The following SCYL1 variants were observed in gnomAD, a reference collection of about 807,000 sequenced individuals.
SCYL1 encodes the protein N-terminal kinase-like protein.
A neutral mutation model predicts 94.8 loss-of-function variants in SCYL1; 85 were observed. The ratio of observed to expected loss-of-function variants is 0.90; its 90% CI spans 0.75 to 1.07. The LOEUF is 1.07. SCYL1 is among the 50% of genes least tolerant of loss of function. The pLI is 0.00. For synonymous variants in SCYL1, 459 were observed against 435.5 expected (o/e 1.05, Z -0.67); for missense variants, 968 against 1,083.3 (o/e 0.89, Z 1.49).
chr11:65,533,897 CAACATGGTAA>C (rs1404634321), intron 9 of SCYL1, among the ~76,000 whole-genome samples: 5 of 152,070 alleles, frequency 3.3e-5, no homozygotes, highest in Admixed American at 1.3e-4. Context: ...CCAGCCTGGC[CAACATGGTAA>C]AACATGGTAA....
At position 65,526,279 on chromosome 11, in the gene SCYL1, G is replaced by T. The variant is rs778569539; in HGVS notation, c.531G>T (p.Gly177=). The T allele has an allele frequency of 1.2e-6, 2 of 1,612,762 alleles. No individual in the cohort carries two copies. Among genetic ancestry groups the T allele is most frequent in the Admixed American group, 3.3e-5 (2 of 60,006 alleles). ...QGNGGGPPRK[G]IPELEQYDPP... The stretch of plus-strand genomic sequence containing the variant: ...ACGGTGGGGGACCTCCCCGCAAGGG[G>T]ATCCCCGAGCTTGAGCAGTATGACC... The change falls in exon 4 of 18, where the codon GGG becomes GGT. Residue 177 remains glycine, a synonymous_variant. Coordinates refer to ENST00000270176, the MANE Select transcript of SCYL1 (RefSeq NM_020680.4). This position sits in a 1 kb window ranked among gnomAD's most constrained non-coding sequence, Gnocchi z 4.1.
At chr11:65,527,196 A>C (rs565083046) in intron 6 of SCYL1, 79 bp downstream of exon 6, 5 of 1,499,446 alleles carry the variant, frequency 3.3e-6, no homozygotes, top group South Asian at 1.2e-5. Context: ...GTACCTCACA[A>C]TTGACCCTCA....
Position 65,530,744 on chromosome 11 carries a change from A to G in SCYL1, c.965A>G (p.Glu322Gly). ...CTGCCCCAGCTGCTGACCGCCTTCG[A>G]GTTCGGCAATGCTGGGGCCGTTGTC... ...KVLPQLLTAF[E>G]FGNAGAVVLT... is the part of the protein sequence containing the mutation. The change falls in exon 7 of 18, where the codon GAG (glutamate) becomes GGG (glycine). Residue 322 changes from glutamate to glycine, a missense_variant. Around this residue, in one of 2 missense-constraint regions of SCYL1, gnomAD observed 494 missense variants for 619.7 expected, o/e 0.80. Coordinates refer to ENST00000270176, the MANE Select transcript of SCYL1 (RefSeq NM_020680.4). The G allele has an allele frequency of 6.2e-7, 1 of 1,613,956 alleles. No homozygotes were observed. Among genetic ancestry groups the G allele is most frequent in the Non-Finnish European group, 8.5e-7 (1 of 1,180,006 alleles).
rs768775062 is a variant in SCYL1, at chr11:65,532,755, G to A, written c.1180G>A (p.Val394Ile). Residue 394 changes from valine to isoleucine, a missense_variant, in exon 9 of 18, where the codon GTA becomes ATA. Physicochemically the swap from Val to Ile is conservative, Grantham distance 29. Transcript: ENST00000270176. ...TVNTQIFPHV[V>I]HGFLDTNPAI... ...CAACACCCAGATCTTCCCCCACGTCGTACATGGCTTCCTGGACACCAACCC... is the reference window on the plus strand; with the variant it reads ...CAACACCCAGATCTTCCCCCACGTCATACATGGCTTCCTGGACACCAACCC... 9.9e-6 allele frequency: 16 copies of A among 1,614,122 alleles called. No individual in the cohort carries two copies. Among genetic ancestry groups the A allele is most frequent in the East Asian group, 2.2e-5 (1 of 44,882 alleles).
chr11:65,529,625 C>T (rs1460058631), intron 6 of SCYL1, among the ~76,000 whole-genome samples: 2 of 152,242 alleles, frequency 1.3e-5, no homozygotes, highest in African/African-American at 2.4e-5. Flanking sequence ...GGTCGCCTCT[C>T]CCCGGCCAAG....
rs559979760 is a variant in SCYL1, at chr11:65,537,159, G to A, written c.1959+31G>A. 694 of 1,612,766 alleles carry A rather than the reference G, an allele frequency of 4.3e-4. 8 individuals carry two copies. In the South Asian group the frequency reaches 6.9e-3, roughly 16 times the overall value. The stretch of plus-strand genomic sequence containing the variant: ...TGGGGCTGAGGGAGCCTCCCCAGGG[G>A]ACCCCAGCTCAAATCCACAGGCTGC... On this transcript the variant is annotated intron_variant, in intron 14 of 17. Transcript: ENST00000270176.
At chr11:65,530,531 A>G in intron 6 of SCYL1, 98 bp from the exon 7 acceptor site, 1 of 1,378,804 alleles carries the variant, frequency 7.3e-7, no homozygotes, top group African/African-American at 1.5e-5. Flanking sequence ...AGAGCCCATA[A>G]GGCCCATAAG....
chr11:65,525,153 G>A lies in SCYL1; in HGVS notation c.-1G>A. The A allele has an allele frequency of 1.5e-5, 20 of 1,341,934 alleles. No homozygotes were observed. The highest frequency in any genetic ancestry group is 1.9e-5 in the Non-Finnish European group (20 of 1,036,956). The allele number at this position is 1,341,934 out of a possible 1,614,324, so 83.1% of individuals were successfully genotyped here. ...CCGAACCCGCGGCGGCGGTGGGGAC[G>A]ATGTGGTTCTTTGCCCGGGACCCGG... On this transcript the variant is annotated 5_prime_UTR_variant, in exon 1 of 18. Transcript: ENST00000270176.
Position 65,526,056 on chromosome 11 carries a change from G to T in SCYL1, c.375+13G>T. On this transcript the variant is annotated intron_variant, in intron 3 of 17. Coordinates refer to ENST00000270176, the MANE Select transcript of SCYL1 (RefSeq NM_020680.4). This position sits in a 1 kb window ranked among gnomAD's most constrained non-coding sequence, Gnocchi z 4.1. ...ACACCAGATCGTGGTGAGGTGGGGG[G>T]CAGTGGTGATGAGAGCAGGGATGGG... 6.2e-7 allele frequency: 1 copy of T among 1,612,428 alleles called. No homozygotes were observed. Among genetic ancestry groups the T allele is most frequent in the Non-Finnish European group, 8.5e-7 (1 of 1,179,522 alleles).
At chr11:65,525,305 C>T (rs1200473806) in intron 1 of SCYL1, 41 bp downstream of exon 1, 6 of 1,340,174 alleles carry the variant, frequency 4.5e-6, no homozygotes, top group Non-Finnish European at 5.9e-6. Context: ...TCGACCTGGG[C>T]CTTGCCTATT....
intron 6 of SCYL1, among the ~76,000 whole-genome samples, chr11:65,529,079 C>A (rs1251626033): frequency 6.6e-6 from 1 of 152,202 alleles, no homozygotes; most frequent in East Asian, 1.9e-4. Flanking sequence ...CCGGCCCCAG[C>A]CGTGTGTGGG....
chr11:65,530,505 C>A, intron 6 of SCYL1, 124 bp from the exon 7 acceptor site: 2 of 1,102,952 alleles, frequency 1.8e-6, no homozygotes, highest in Non-Finnish European at 2.5e-6. Context: ...GCTTTGAACC[C>A]AGGCAGCCAG....
chr11:65,527,027 C>A lies in SCYL1; in HGVS notation c.759C>A (p.Asn253Lys). The change falls in exon 6 of 18, where the codon AAC (asparagine) becomes AAA (lysine). Residue 253 changes from asparagine (N) to lysine (K), a missense_variant. This residue lies in a region of SCYL1 where 494 missense variants were observed against 619.7 expected (regional missense o/e 0.80). Transcript: ENST00000270176. ...GAGCAAACCCCAAGGTGCGTCCCAA[C>A]CCAGCCCGCTTCCTGCAGAACTGCC... The part of the protein sequence containing the change: ...LVGANPKVRP[N>K]PARFLQNCRA... 1 of 1,613,546 alleles carries A rather than the reference C, an allele frequency of 6.2e-7. No individual in the cohort carries two copies. Among genetic ancestry groups the A allele is most frequent in the Non-Finnish European group, 8.5e-7 (1 of 1,179,966 alleles).
intron 6 of SCYL1, among the ~76,000 whole-genome samples, chr11:65,529,755 G>A (rs1855277494): frequency 6.6e-6 from 1 of 152,168 alleles, no homozygotes; most frequent in African/African-American, 2.4e-5. Flanking sequence ...CTCCTCCTTT[G>A]TGAATGGGGG....
In SCYL1 at chr11:65,526,120, C is replaced by T; in HGVS notation, c.376-4C>T. The T allele has an allele frequency of 6.2e-7, 1 of 1,612,840 alleles. No homozygotes were observed. The highest frequency in any genetic ancestry group is 1.1e-5 in the South Asian group (1 of 91,064). On this transcript the variant is annotated splice_polypyrimidine_tract_variant and splice_region_variant and intron_variant, in intron 3 of 17. Coordinates refer to ENST00000270176, the MANE Select transcript of SCYL1 (RefSeq NM_020680.4). This position sits in a 1 kb window ranked among gnomAD's most constrained non-coding sequence, Gnocchi z 4.1. Reference sequence around the variant, plus strand: ...TGGGGCGTGATGGCTCCTTTTGCCCCCAGAAAGCCCTCAGCTTCCTGGTCA... The same window carrying T: ...TGGGGCGTGATGGCTCCTTTTGCCCTCAGAAAGCCCTCAGCTTCCTGGTCA...
chr11:65,526,474 C>A lies in SCYL1; in HGVS notation c.602+124C>A. On this transcript the variant is annotated intron_variant, in intron 4 of 17. Transcript: ENST00000270176. This position sits in a 1 kb window ranked among gnomAD's most constrained non-coding sequence, Gnocchi z 4.1. The stretch of plus-strand genomic sequence containing the variant: ...GCCTGGCTGGGGAGGGAATCAGTGT[C>A]CCAGGAGTGAGGGACACTCCTCTGC... The A allele has an allele frequency of 1.2e-6, 1 of 835,964 alleles. No individual in the cohort carries two copies. Among genetic ancestry groups the A allele is most frequent in the Non-Finnish European group, 1.9e-6 (1 of 539,102 alleles). 51.8% of individuals were successfully genotyped at this position (835,964 alleles called of 1,614,324 possible).
At chr11:65,531,472 T>G (rs770573055) in intron 7 of SCYL1, 104 bp from the exon 8 acceptor site, 138 of 794,966 alleles carry the variant, frequency 1.7e-4, no homozygotes, top group Non-Finnish European at 2.7e-4. Flanking sequence ...CCCTCCGCCA[T>G]CACTTCATTC....
In SCYL1 at chr11:65,536,305, CGGA is replaced by C; in HGVS notation, c.1626_1628del (p.Glu542del). On this transcript the variant is annotated inframe_deletion, in exon 12 of 18. Coordinates refer to ENST00000270176, the MANE Select transcript of SCYL1 (RefSeq NM_020680.4). ...TTCCTGTCCAAATTGGAGTCTGTGT[CGGA>C]GGACCCGACCCAGCTGGAGGAAGTG... The C allele has an allele frequency of 6.2e-7, 1 of 1,614,142 alleles. No individual in the cohort carries two copies. Among genetic ancestry groups the C allele is most frequent in the Non-Finnish European group, 8.5e-7 (1 of 1,180,008 alleles).
chr11:65,528,642 C>T (rs547972988), intron 6 of SCYL1, among the ~76,000 whole-genome samples: 2 of 152,096 alleles, frequency 1.3e-5, no homozygotes, highest in Admixed American at 1.3e-4. Context: ...TACCTGTAAT[C>T]CCAGCTACTC....
Sources: gnomAD v4.1 joint callset for allele counts (sites outside exome capture counted in the v4.1 genomes callset) on GRCh38, gnomAD v4.1.1 for gene constraint, gnomAD v4.1.1 regional missense constraint, Gnocchi (gnomAD v3.1) non-coding constraint, MANE v1.5 for transcripts, NCBI Gene and HGNC (gene_info 2026-07-23, HGNC 2026-07-21) for gene names.